The following SDK1 variants were observed in gnomAD, a reference collection of about 807,000 sequenced individuals.
SDK1 encodes the protein sidekick cell adhesion molecule 1.
SDK1 carries 157 observed loss-of-function variants against 245.5 expected under a neutral mutation model. The ratio of observed to expected loss-of-function variants is 0.64; its 90% CI spans 0.56 to 0.73. The LOEUF (loss-of-function observed/expected upper bound fraction) is 0.73. Ranked by LOEUF, SDK1 falls within the 30% of genes least tolerant of loss-of-function variation. SDK1 has a pLI of 0.00. For missense variants in SDK1, 3,583 were observed against 3,002.3 expected, an observed-to-expected ratio of 1.19 and a Z score of -4.52; for synonymous variants, 1,647 against 1,278.5, an observed-to-expected ratio of 1.29 and a Z score of -6.15.
At position 3,937,906 on chromosome 7, in the gene SDK1, C is replaced by T. The variant is rs142687737; in HGVS notation, c.848-13017C>T. Among the ~76,000 whole-genome samples, 957 of 152,158 alleles carry T rather than the reference C, an allele frequency of 6.3e-3. 13 individuals are homozygous for T. The highest frequency in any genetic ancestry group is 0.022 in the African/African-American group (897 of 41,526). ...AGACTGGAGTGCAGTGACGTAATCT[C>T]GGCTCACTGCAACCTCCGCCTCCCA... On this transcript the variant is annotated intron_variant, in intron 5 of 44. Transcript: ENST00000404826.
At chr7:3,755,941 G>C (rs779769254) in intron 4 of SDK1, among the ~76,000 whole-genome samples, 1 of 149,276 alleles carries the variant, frequency 6.7e-6, no homozygotes, top group African/African-American at 2.5e-5. Context: ...CATGTATATC[G>C]TTTTAACTCT....
chr7:3,691,877 G>C (rs73302222), intron 4 of SDK1, among the ~76,000 whole-genome samples: 1 of 152,108 alleles, frequency 6.6e-6, no homozygotes, highest in Non-Finnish European at 1.5e-5. Context: ...GGCAATGGGG[G>C]TGTCTTTAAG....
At chr7:3,988,533 T>C (rs1006468213) in intron 14 of SDK1, among the ~76,000 whole-genome samples, 3 of 152,170 alleles carry the variant, frequency 2.0e-5, no homozygotes, top group Admixed American at 1.3e-4. Flanking sequence ...CCTCGCTCCC[T>C]GTGCAGCCTC....
At chr7:3,794,503 C>T (rs927877371) in intron 4 of SDK1, among the ~76,000 whole-genome samples, 3 of 152,076 alleles carry the variant, frequency 2.0e-5, no homozygotes, top group Non-Finnish European at 4.4e-5. Context: ...GTCATGAAGG[C>T]TCATGGATTA....
chr7:3,487,017 A>C (rs1399373157), intron 1 of SDK1, among the ~76,000 whole-genome samples: 1 of 152,154 alleles, frequency 6.6e-6, no homozygotes, highest in Non-Finnish European at 1.5e-5. Context: ...TTTTTCTTGT[A>C]ATGGGCCGGA....
chr7:3,803,911 C>G (rs1032349020), intron 4 of SDK1, among the ~76,000 whole-genome samples: 95 of 151,782 alleles, frequency 6.3e-4, no homozygotes, highest in Non-Finnish European at 4.4e-4. Context: ...ACTACAGGCA[C>G]CCGCCACCAC....
chr7:3,763,702 C>G (rs1464833265), intron 4 of SDK1, among the ~76,000 whole-genome samples: 1 of 152,032 alleles, frequency 6.6e-6, no homozygotes, highest in African/African-American at 2.4e-5. Context: ...GCCAGAATAA[C>G]AGTTACCTTT....
At chr7:3,690,112 A>G (rs1254373525) in intron 4 of SDK1, among the ~76,000 whole-genome samples, 1 of 152,210 alleles carries the variant, frequency 6.6e-6, no homozygotes, top group Admixed American at 6.5e-5. Flanking sequence ...TATGACACAG[A>G]ACAGATCGAA....
At chr7:3,664,599 G>A (rs1783468526) in intron 4 of SDK1, among the ~76,000 whole-genome samples, 1 of 152,010 alleles carries the variant, frequency 6.6e-6, no homozygotes, top group Non-Finnish European at 1.5e-5. Context: ...AATTGGCCGG[G>A]CATGGTGGCG....
chr7:3,650,677 A>C (rs1043008127), intron 4 of SDK1, among the ~76,000 whole-genome samples: 1 of 152,130 alleles, frequency 6.6e-6, no homozygotes, highest in Non-Finnish European at 1.5e-5. Flanking sequence ...TTCTCTTATT[A>C]ACCTTTTATG....
intron 1 of SDK1, among the ~76,000 whole-genome samples, chr7:3,410,954 T>C (rs1779184285): frequency 6.6e-6 from 1 of 152,096 alleles, no homozygotes; most frequent in Non-Finnish European, 1.5e-5. Context: ...CAACAGAGGC[T>C]TCATGGTGTA....
intron 44 of SDK1, among the ~76,000 whole-genome samples, chr7:4,258,610 C>T (rs757140295): frequency 1.3e-5 from 2 of 152,224 alleles, no homozygotes; most frequent in Non-Finnish European, 2.9e-5. Context: ...GTTTTGGCCC[C>T]GGTCTGGCCC....
At chr7:3,803,907 G>A (rs1372535742) in intron 4 of SDK1, among the ~76,000 whole-genome samples, 4 of 151,910 alleles carry the variant, frequency 2.6e-5, no homozygotes, top group Admixed American at 6.6e-5. Flanking sequence ...TGGGACTACA[G>A]GCACCCGCCA....
chr7:3,681,405 C>T (rs989816769), intron 4 of SDK1, among the ~76,000 whole-genome samples: 1 of 152,198 alleles, frequency 6.6e-6, no homozygotes, highest in Non-Finnish European at 1.5e-5. Flanking sequence ...TAAACTGCTG[C>T]TCTGACCTTT....
chr7:4,204,598 G>C (rs10264111), intron 35 of SDK1, among the ~76,000 whole-genome samples: 1 of 152,312 alleles, frequency 6.6e-6, no homozygotes, highest in African/African-American at 2.4e-5. Context: ...CCAGAGAGCC[G>C]GGTGCTGGGC....
intron 1 of SDK1, among the ~76,000 whole-genome samples, chr7:3,402,332 G>A (rs6977110): frequency 0.33 from 50,311 of 152,046 alleles, 13,224 homozygotes; most frequent in African/African-American, 0.73. Flanking sequence ...AGGTACTTCA[G>A]TAGTTTTTAT....
At chr7:4,060,302 A>G (rs78281642) in intron 19 of SDK1, among the ~76,000 whole-genome samples, 6,989 of 152,318 alleles carry the variant, frequency 0.046, 303 homozygotes, top group African/African-American at 0.11. Flanking sequence ...AAAGATTTCA[A>G]ACAATCTAGT....
At position 3,384,939 on chromosome 7, in the gene SDK1, C is replaced by T. The variant is rs185663510; in HGVS notation, c.298+83055C>T. Among the ~76,000 whole-genome samples the T allele has an allele frequency of 1.8e-3, 269 of 152,284 alleles. 2 individuals carry two copies. Among genetic ancestry groups the T allele is most frequent in the Non-Finnish European group, 2.2e-3 (150 of 68,020 alleles). ...GAGAGTTTCACCAGTCTGTGGCATACGCCCTGCTGCCTTCTTCAGGATGCA... is the reference window on the plus strand; with the variant it reads ...GAGAGTTTCACCAGTCTGTGGCATATGCCCTGCTGCCTTCTTCAGGATGCA... On this transcript the variant is annotated intron_variant, in intron 1 of 44. Coordinates refer to ENST00000404826, the MANE Select transcript of SDK1 (RefSeq NM_152744.4).
chr7:3,576,827 A>T (rs778196603), intron 1 of SDK1, among the ~76,000 whole-genome samples: 71 of 152,038 alleles, frequency 4.7e-4, no homozygotes, highest in Non-Finnish European at 7.5e-4. Context: ...TGTAAATTAT[A>T]TACAGTGCAT....
Sources: gnomAD v4.1 joint callset for allele counts (sites outside exome capture counted in the v4.1 genomes callset) on GRCh38, gnomAD v4.1.1 for gene constraint, MANE v1.5 for transcripts, NCBI Gene and HGNC (gene_info 2026-07-23, HGNC 2026-07-21) for gene names.